CAST: variants seen among roughly 807,000 people sequenced by gnomAD.
CAST encodes calpastatin, also known as MIR583 host.
Under a neutral mutation model 119.6 loss-of-function variants are expected in CAST, and 76 were observed. The ratio of observed to expected loss-of-function variants is 0.64; its 90% confidence interval spans 0.53 to 0.77. The LOEUF (loss-of-function observed/expected upper bound fraction) is 0.77, where lower values mean the gene tolerates loss of function less well. Among genes scored for constraint, CAST ranks in the 30% least tolerant of loss-of-function variants. The pLI, the probability that CAST is intolerant of heterozygous loss-of-function variation, is 0.00. For missense variants in CAST, 953 were observed against 946.5 expected (o/e 1.01, Z -0.09); for synonymous variants, 319 against 331.6 (o/e 0.96, Z 0.41).
chr5:96,276,177 G>A, the CAST span, among the ~76,000 whole-genome samples: 1 of 152,174 alleles, frequency 6.6e-6, no homozygotes, highest in East Asian at 1.9e-4. Flanking sequence ...GAATGATAGG[G>A]CCTGATTTTC....
At chr5:96,719,431 G>A (rs1757806182) in intron 3 of CAST, among the ~76,000 whole-genome samples, 1 of 152,234 alleles carries the variant, frequency 6.6e-6, no homozygotes, top group African/African-American at 2.4e-5. Flanking sequence ...GAGGTGCTGG[G>A]ATTTCAGGTG....
At chr5:96,416,212 A>G in the CAST span, 4,779 of 883,080 alleles carry the variant, frequency 5.4e-3, 154 homozygotes, top group African/African-American at 0.07. Context: ...AGGTATATTA[A>G]CTTTTTGTCG....
At chr5:96,607,218 G>A (rs986172354) in intron 1 of CAST, among the ~76,000 whole-genome samples, 2 of 152,142 alleles carry the variant, frequency 1.3e-5, no homozygotes, top group African/African-American at 4.8e-5. Flanking sequence ...AACCCTGAAG[G>A]CGGAGCTTGC....
chr5:96,686,174 T>A (rs1752058921), intron 2 of CAST, among the ~76,000 whole-genome samples: 1 of 152,136 alleles, frequency 6.6e-6, no homozygotes, highest in Non-Finnish European at 1.5e-5. Flanking sequence ...TATTCCTTTT[T>A]TTTTTCACTC....
intron 1 of CAST, among the ~76,000 whole-genome samples, chr5:96,621,269 C>G (rs1747598273): frequency 6.6e-6 from 1 of 152,056 alleles, no homozygotes; most frequent in Non-Finnish European, 1.5e-5. Context: ...ATCAGTTCAG[C>G]TAGGTTCAGC....
the CAST span, among the ~76,000 whole-genome samples, chr5:96,382,158 G>T: frequency 1.3e-5 from 2 of 152,088 alleles, no homozygotes; most frequent in African/African-American, 4.8e-5. Context: ...CTAAGCTTTG[G>T]ATTTCTCTCC....
the CAST span, among the ~76,000 whole-genome samples, chr5:96,452,743 G>A: frequency 6.9e-6 from 1 of 144,562 alleles, no homozygotes; most frequent in African/African-American, 2.6e-5. Context: ...GAGGTCAGGA[G>A]ATCGAGACCA....
the CAST span, among the ~76,000 whole-genome samples, chr5:96,303,494 G>A: frequency 6.6e-6 from 1 of 151,968 alleles, no homozygotes; most frequent in Non-Finnish European, 1.5e-5. Flanking sequence ...AAGTTCTGGG[G>A]TACATGTGCA....
At chr5:95,963,134 C>G in the CAST span, among the ~76,000 whole-genome samples, 1 of 152,130 alleles carries the variant, frequency 6.6e-6, no homozygotes, top group Non-Finnish European at 1.5e-5. Context: ...TAAAAAAGTT[C>G]TTTTAATAAA....
chr5:96,683,103 C>T (rs1420207063), intron 2 of CAST, among the ~76,000 whole-genome samples: 1 of 152,152 alleles, frequency 6.6e-6, no homozygotes, highest in Non-Finnish European at 1.5e-5. Flanking sequence ...TAGGTTGCCT[C>T]ATGAAGAGGA....
chr5:96,658,395 C>T (rs1170960822), upstream of CAST, among the ~76,000 whole-genome samples: 5 of 152,060 alleles, frequency 3.3e-5, no homozygotes, highest in East Asian at 3.8e-4. Context: ...AGTACATCAG[C>T]GTGAATTCTG....
chr5:96,266,289 G>C, the CAST span, among the ~76,000 whole-genome samples: 1 of 152,144 alleles, frequency 6.6e-6, no homozygotes, highest in African/African-American at 2.4e-5. Context: ...TTCCACACTA[G>C]TAAAAGTGAG....
the CAST span, among the ~76,000 whole-genome samples, chr5:96,151,797 G>A: frequency 6.6e-6 from 1 of 152,188 alleles, no homozygotes; most frequent in Non-Finnish European, 1.5e-5. Context: ...CAGGATAAAT[G>A]CCTCCTTCAC....
chr5:96,607,108 GA>G (rs1013829941), intron 1 of CAST, among the ~76,000 whole-genome samples: 2 of 152,114 alleles, frequency 1.3e-5, no homozygotes, highest in African/African-American at 4.8e-5. Flanking sequence ...CTATCACAGG[GA>G]AAACCCATCT....
At chr5:96,556,065 T>A (rs1746232071) in intron 1 of CAST, among the ~76,000 whole-genome samples, 1 of 152,230 alleles carries the variant, frequency 6.6e-6, no homozygotes, top group African/African-American at 2.4e-5. Flanking sequence ...TATCCGCTGT[T>A]CTGCAGCCTC....
the CAST span, among the ~76,000 whole-genome samples, chr5:96,159,767 C>T: frequency 9.5e-4 from 145 of 151,906 alleles, no homozygotes; most frequent in Non-Finnish European, 1.7e-3. Context: ...TTATTTTTTG[C>T]TTTTTGAATG....
the CAST span, among the ~76,000 whole-genome samples, chr5:96,080,028 G>A: frequency 6.6e-6 from 1 of 152,162 alleles, no homozygotes; most frequent in Non-Finnish European, 1.5e-5. Context: ...TTGAATAACA[G>A]CATGAAGAGA....
chr5:96,543,827 A>G (rs1292323418), intron 1 of CAST, among the ~76,000 whole-genome samples: 3 of 152,224 alleles, frequency 2.0e-5, no homozygotes, highest in Non-Finnish European at 4.4e-5. Flanking sequence ...TTCTTTCTCT[A>G]TTAAATTACC....
the CAST span, among the ~76,000 whole-genome samples, chr5:96,285,693 T>C: frequency 6.6e-6 from 1 of 152,228 alleles, no homozygotes; most frequent in African/African-American, 2.4e-5. Flanking sequence ...TGGAAAGTTC[T>C]TTCTCTTATT....
Sources: gnomAD v4.1 joint callset for allele counts (sites outside exome capture counted in the v4.1 genomes callset) on GRCh38, gnomAD v4.1.1 for gene constraint, MANE v1.5 for transcripts, NCBI Gene and HGNC (gene_info 2026-07-23, HGNC 2026-07-21) for gene names.